ZKSCAN7: variants seen among roughly 807,000 people sequenced by gnomAD.
The protein encoded by ZKSCAN7 is zinc finger protein with KRAB and SCAN domains 7.
ZKSCAN7 carries 38 observed loss-of-function variants against 65.3 expected under a neutral mutation model. The ratio of observed to expected loss-of-function variants is 0.58; its 90% CI spans 0.45 to 0.76. The LOEUF is 0.76. Among genes scored for constraint, ZKSCAN7 ranks in the 30% least tolerant of loss-of-function variants. ZKSCAN7 has a pLI of 0.00. For missense variants in ZKSCAN7, 815 were observed against 913.3 expected (o/e 0.89, Z 1.39); for synonymous variants, 321 against 321.0 (o/e 1.00, Z 0.00).
At chr3:44,579,474 C>T (rs1271705813) in intron 5 of ZKSCAN7, among the ~76,000 whole-genome samples, 13 of 152,216 alleles carry the variant, frequency 8.5e-5, no homozygotes, top group Admixed American at 7.9e-4. Flanking sequence ...GGGTCCGGCT[C>T]CCCCGGCTCT....
intron 5 of ZKSCAN7, among the ~76,000 whole-genome samples, chr3:44,569,112 C>T (rs1285150430): frequency 5.9e-5 from 9 of 152,232 alleles, no homozygotes; most frequent in Admixed American, 1.3e-4. Context: ...ATAGCCATTA[C>T]GCATCATCTC....
chr3:44,567,169 G>A (rs182583493), intron 3 of ZKSCAN7, among the ~76,000 whole-genome samples: 200 of 48,080 alleles, frequency 4.2e-3, no homozygotes, highest in South Asian at 0.034. Flanking sequence ...AAAAAGAGAA[G>A]AGAAAAGAAA....
Position 44,557,268 on chromosome 3 carries a change from G to T in ZKSCAN7, c.221G>T (p.Arg74Leu), listed in dbSNP as rs763112213. ...TCTGGGCCGCAGGAAGCATTGAGCC[G>T]GCTTCGGGAGCTCTGCCGCTGGTGG... ...EMSGPQEALSRLRELCRWWLM... is the reference protein window; with the variant it reads ...EMSGPQEALSLLRELCRWWLM... Residue 74 changes from arginine to leucine, a missense_variant, in exon 2 of 6, where the codon CGG becomes CTG. Around this residue, in one of 3 missense-constraint regions of ZKSCAN7, gnomAD observed 227 missense variants for 253.3 expected, o/e 0.90. Coordinates refer to ENST00000426540, the MANE Select transcript of ZKSCAN7 (RefSeq NM_001288590.2). 1 of 1,614,284 alleles carries T rather than the reference G, an allele frequency of 6.2e-7. No homozygotes were observed. The highest frequency in any genetic ancestry group is 8.5e-7 in the Non-Finnish European group (1 of 1,180,056).
chr3:44,561,798 G>A (rs903965187), intron 2 of ZKSCAN7, among the ~76,000 whole-genome samples: 1 of 152,204 alleles, frequency 6.6e-6, no homozygotes, highest in Non-Finnish European at 1.5e-5. Context: ...TCCAGGGCAT[G>A]CTGATGCAAG....
chr3:44,579,976 G>GA (rs201013054), intron 5 of ZKSCAN7: 29 of 1,479,952 alleles, frequency 2.0e-5, no homozygotes, highest in South Asian at 1.4e-4. Context: ...AGAGGAGCTT[G>GA]GGGGGGGGCT....
chr3:44,566,427 A>C (rs980163067), intron 3 of ZKSCAN7, among the ~76,000 whole-genome samples: 4 of 152,168 alleles, frequency 2.6e-5, no homozygotes, highest in African/African-American at 4.8e-5. Flanking sequence ...GGTGCGGTAG[A>C]ATAGATGTGA....
rs1191926026 is a variant in ZKSCAN7, at chr3:44,569,973, T to C, written c.863T>C (p.Phe288Ser). The C allele has an allele frequency of 9.5e-6, 15 of 1,575,970 alleles. No individual in the cohort carries two copies. The highest frequency in any genetic ancestry group is 1.3e-5 in the Non-Finnish European group (15 of 1,165,364). Residue 288 changes from phenylalanine to serine, a missense_variant, in exon 6 of 6, where the codon TTT becomes TCT. Coordinates refer to ENST00000426540, the MANE Select transcript of ZKSCAN7 (RefSeq NM_001288590.2). Reference protein sequence around the residue: ...GSELTPKQEFFKGSESSNRTS... With the variant: ...GSELTPKQEFSKGSESSNRTS... ...GAGTTGACTCCAAAGCAGGAATTTT[T>C]TAAAGGATCAGAGTCATCTAACAGG...
intron 4 of ZKSCAN7, 43 bp from the exon 5 acceptor site, chr3:44,568,264 C>T: frequency 3.1e-6 from 5 of 1,598,788 alleles, no homozygotes; most frequent in Non-Finnish European, 4.3e-6. Flanking sequence ...CTCTGCCCTT[C>T]AGGCTGTGAA....
intron 5 of ZKSCAN7, chr3:44,579,982 G>GA: frequency 1.3e-6 from 2 of 1,579,064 alleles, no homozygotes; most frequent in South Asian, 1.1e-5. Context: ...GCTTGGGGGG[G>GA]GGCTTCATTG....
At chr3:44,556,788 G>A (rs1699306792) in intron 1 of ZKSCAN7, 142 bp from the exon 2 acceptor site, 1 of 536,966 alleles carries the variant, frequency 1.9e-6, no homozygotes, top group African/African-American at 1.9e-5. Context: ...CTTTAAGAAG[G>A]GCATCATTTG....
At position 44,557,058 on chromosome 3, in the gene ZKSCAN7, C is replaced by T. The variant is rs2125707139; in HGVS notation, c.11C>T (p.Ala4Val). 6.2e-7 allele frequency: 1 copy of T among 1,614,244 alleles called. No homozygotes were observed. The highest frequency in any genetic ancestry group is 1.1e-5 in the South Asian group (1 of 91,088). MTTAGRGNLGLIPR... is the reference protein window; with the variant it reads MTTVGRGNLGLIPR... Reference sequence around the variant, plus strand: ...CTCTTTGGGGTCACAATGACCACTGCAGGCAGGGGAAATTTAGGCCTCATC... The same window carrying T: ...CTCTTTGGGGTCACAATGACCACTGTAGGCAGGGGAAATTTAGGCCTCATC... Residue 4 changes from alanine (A) to valine (V), a missense_variant, in exon 2 of 6, where the codon GCA becomes GTA. Physicochemically the swap from Ala to Val is moderately conservative, Grantham distance 64. Transcript: ENST00000426540.
At chr3:44,576,338 C>G (rs1699923584), downstream of ZKSCAN7, among the ~76,000 whole-genome samples, 1 of 152,142 alleles carries the variant, frequency 6.6e-6, no homozygotes, top group African/African-American at 2.4e-5. Flanking sequence ...CTCAGATGCT[C>G]CTTTACAGTC....
At chr3:44,572,283 T>C (rs1699827274), downstream of ZKSCAN7, 18 of 951,866 alleles carry the variant, frequency 1.9e-5, no homozygotes, top group Non-Finnish European at 2.1e-5. Context: ...CTTACTGATA[T>C]CTTTTACATA....
chr3:44,559,266 A>G (rs1272155196), intron 2 of ZKSCAN7, among the ~76,000 whole-genome samples: 1 of 152,102 alleles, frequency 6.6e-6, no homozygotes, highest in Non-Finnish European at 1.5e-5. Context: ...AAGTTGACAC[A>G]TCAAAAGATC....
rs1245980412 is a variant in ZKSCAN7 at position 44,571,440 on chromosome 3, T to C, written c.*65T>C. 1.2e-6 allele frequency: 2 copies of C among 1,603,386 alleles called. No individual in the cohort carries two copies. Among genetic ancestry groups the C allele is most frequent in the Non-Finnish European group, 1.7e-6 (2 of 1,179,880 alleles). On this transcript the variant is annotated 3_prime_UTR_variant, in exon 6 of 6. Transcript: ENST00000426540. ...TAAGCTGTCTTTATAAGCAGGATGCTCATAGTGGTTTCCCGGAGCCAGTAG... is the reference window on the plus strand; with the variant it reads ...TAAGCTGTCTTTATAAGCAGGATGCCCATAGTGGTTTCCCGGAGCCAGTAG...
At chr3:44,557,573 T>G in intron 2 of ZKSCAN7, 103 bp downstream of exon 2, 1 of 1,532,162 alleles carries the variant, frequency 6.5e-7, no homozygotes, top group Non-Finnish European at 8.8e-7. Flanking sequence ...CAGTTTGCCT[T>G]TAGGGTTGCT....
chr3:44,580,815 C>T (rs867210985), intron 5 of ZKSCAN7: 19 of 1,612,966 alleles, frequency 1.2e-5, no homozygotes, highest in African/African-American at 5.3e-5. Flanking sequence ...GAAGAACTGT[C>T]GCTGCCATTT....
At chr3:44,560,465 G>T (rs1351366472) in intron 2 of ZKSCAN7, among the ~76,000 whole-genome samples, 1 of 151,484 alleles carries the variant, frequency 6.6e-6, no homozygotes, top group Non-Finnish European at 1.5e-5. Flanking sequence ...CTGCTGGGCT[G>T]CAGAGTCATG....
At chr3:44,576,901 G>A (rs901946512), downstream of ZKSCAN7, among the ~76,000 whole-genome samples, 2 of 151,978 alleles carry the variant, frequency 1.3e-5, no homozygotes, top group African/African-American at 4.8e-5. Context: ...TAGCTTGGTT[G>A]TGAAAGAACT....
Sources: allele counts gnomAD v4.1 joint callset (sites outside exome capture counted in the v4.1 genomes callset), GRCh38; gene constraint gnomAD v4.1.1; regional missense constraint gnomAD v4.1.1; transcripts MANE v1.5; gene names NCBI Gene and HGNC (gene_info 2026-07-23, HGNC 2026-07-21).